NDC1: variants seen among roughly 807,000 people sequenced by gnomAD.
The protein encoded by NDC1 is nucleoporin NDC1.
A neutral mutation model predicts 89.8 loss-of-function variants in NDC1; 24 were observed. The observed-to-expected ratio is 0.27, with a 90% CI of 0.19 to 0.38. The LOEUF (loss-of-function observed/expected upper bound fraction) is 0.38. Among genes scored for constraint, NDC1 ranks in the 10% least tolerant of loss-of-function variants. The pLI, the probability that NDC1 is intolerant of heterozygous loss-of-function variation, is 1.00. For missense variants in NDC1, 728 were observed against 797.6 expected, an observed-to-expected ratio of 0.91 and a Z score of 1.05; for synonymous variants, 296 against 284.8, an observed-to-expected ratio of 1.04 and a Z score of -0.39.
intron 10 of NDC1, among the ~76,000 whole-genome samples, chr1:53,803,560 TTTAAG>T (rs1647993635): frequency 1.3e-5 from 2 of 150,674 alleles, no homozygotes; most frequent in South Asian, 2.1e-4. Context: ...CACCAAAAAC[TTTAAG>T]TTAATTAATT....
chr1:53,825,792 T>A lies in NDC1; in HGVS notation c.594+6A>T, dbSNP rs758502158. The stretch of plus-strand genomic sequence containing the variant: ...TTGACATCAAGTAATGCTCAAATGA[T>A]CTTACCTGTATGATGGGAAATGGAA... On this transcript the variant is annotated splice_donor_region_variant and intron_variant, in intron 5 of 17. Transcript: ENST00000371429. 1.9e-6 allele frequency: 3 copies of A among 1,580,524 alleles called. No homozygotes were observed. The highest frequency in any genetic ancestry group is 2.6e-6 in the Non-Finnish European group (3 of 1,169,464).
intron 2 of NDC1, among the ~76,000 whole-genome samples, chr1:53,835,043 A>G (rs1312477219): frequency 6.6e-6 from 1 of 152,236 alleles, no homozygotes; most frequent in Non-Finnish European, 1.5e-5. Context: ...AGACTGAGCC[A>G]CTGCACTCAG....
chr1:53,784,898 C>T (rs180995574), intron 16 of NDC1, among the ~76,000 whole-genome samples: 8 of 151,708 alleles, frequency 5.3e-5, no homozygotes, highest in Admixed American at 5.3e-4. Context: ...ACGGAGCTTG[C>T]AGTGAGCTGA....
At chr1:53,826,569 T>G (rs1488360166) in intron 4 of NDC1, among the ~76,000 whole-genome samples, 3 of 152,216 alleles carry the variant, frequency 2.0e-5, no homozygotes, top group East Asian at 1.9e-4. Flanking sequence ...ATCCCCCTGC[T>G]GGACACTGCT....
chr1:53,819,453 T>C (rs1648586826), intron 5 of NDC1, among the ~76,000 whole-genome samples: 1 of 152,230 alleles, frequency 6.6e-6, no homozygotes, highest in African/African-American at 2.4e-5. Flanking sequence ...TTTGAATTCA[T>C]TTAAACCTCA....
chr1:53,827,099 C>T (rs952309218), intron 4 of NDC1, among the ~76,000 whole-genome samples: 4 of 151,968 alleles, frequency 2.6e-5, no homozygotes, highest in African/African-American at 9.7e-5. Context: ...ACCAACAGGA[C>T]AGTTTTTACC....
intron 6 of NDC1, among the ~76,000 whole-genome samples, chr1:53,810,848 A>G (rs1395174938): frequency 6.6e-6 from 1 of 152,222 alleles, no homozygotes; most frequent in Non-Finnish European, 1.5e-5. Flanking sequence ...TTAGCTCCAG[A>G]TCGACTGCAA....
intron 9 of NDC1, among the ~76,000 whole-genome samples, chr1:53,806,105 C>T (rs571131629): frequency 9.5e-4 from 145 of 152,208 alleles, no homozygotes; most frequent in African/African-American, 3.4e-3. Context: ...TTTTGTTATG[C>T]TATCATGAAT....
At chr1:53,830,922 CA>C (rs563838744) in intron 3 of NDC1, among the ~76,000 whole-genome samples, 1 of 146,248 alleles carries the variant, frequency 6.8e-6, no homozygotes, top group Non-Finnish European at 1.5e-5. Flanking sequence ...CTGTTTCTCT[CA>C]AAAAAAATAA....
At chr1:53,797,210 C>CA in intron 11 of NDC1, 66 bp from the exon 12 acceptor site, 1 of 1,523,968 alleles carries the variant, frequency 6.6e-7, no homozygotes, top group South Asian at 1.2e-5. Flanking sequence ...GCAACGCTTT[C>CA]AAATTCTACA....
intron 16 of NDC1, among the ~76,000 whole-genome samples, chr1:53,786,364 A>T (rs897648371): frequency 6.6e-6 from 1 of 152,256 alleles, no homozygotes; most frequent in Non-Finnish European, 1.5e-5. Flanking sequence ...AGCAGAAAGC[A>T]TGTGTTTTAT....
chr1:53,797,175 G>A (rs201708261), intron 11 of NDC1, 31 bp from the exon 12 acceptor site: 2 of 1,606,672 alleles, frequency 1.2e-6, no homozygotes, highest in Admixed American at 3.4e-5. Context: ...TGCTGAAGAG[G>A]CAACCTGATC....
Position 53,825,683 on chromosome 1 carries a change from A to G in NDC1, c.594+115T>C, listed in dbSNP as rs1380769447. 3 of 848,306 alleles carry G rather than the reference A, an allele frequency of 3.5e-6. No homozygotes were observed. The Admixed American group carries it at 8.9e-5, about 25-fold the overall frequency. The allele number at this position is 848,306 out of a possible 1,614,324, so 52.5% of individuals were successfully genotyped here. Reference sequence around the variant, plus strand: ...ATGGCATTTTGAGGATTTCAGTTCTAAGTGTTGGTTATCAAATCTTGAATG... The same window carrying G: ...ATGGCATTTTGAGGATTTCAGTTCTGAGTGTTGGTTATCAAATCTTGAATG... On this transcript the variant is annotated intron_variant, in intron 5 of 17. Coordinates refer to ENST00000371429, the MANE Select transcript of NDC1 (RefSeq NM_018087.5).
intron 17 of NDC1, among the ~76,000 whole-genome samples, chr1:53,769,513 A>T (rs1400205827): frequency 1.3e-5 from 2 of 152,230 alleles, no homozygotes; most frequent in Admixed American, 1.3e-4. Context: ...ATATGTTATA[A>T]ACCTCAAATA....
Position 53,806,372 on chromosome 1 carries a change from A to G in NDC1, c.984+53T>C. On this transcript the variant is annotated intron_variant, in intron 9 of 17. Coordinates refer to ENST00000371429, the MANE Select transcript of NDC1 (RefSeq NM_018087.5). Reference sequence around the variant, plus strand: ...CTTAAATATACTAAATATTAAGTGTATTGAATAAAGTTAGAGAAAACTGTG... The same window carrying G: ...CTTAAATATACTAAATATTAAGTGTGTTGAATAAAGTTAGAGAAAACTGTG... 5 of 1,164,574 alleles carry G rather than the reference A, an allele frequency of 4.3e-6. No homozygotes were observed. In the South Asian group the frequency reaches 8.0e-5, roughly 19 times the overall value. The allele number at this position is 1,164,574 out of a possible 1,614,324, so 72.1% of individuals were successfully genotyped here.
At chr1:53,787,963 T>C (rs1002542098) in intron 15 of NDC1, among the ~76,000 whole-genome samples, 9 of 151,518 alleles carry the variant, frequency 5.9e-5, no homozygotes, top group African/African-American at 1.7e-4. Context: ...GACGGCTGTA[T>C]CTATAAGATG....
chr1:53,782,236 G>A (rs1389714953), intron 16 of NDC1, among the ~76,000 whole-genome samples: 1 of 152,192 alleles, frequency 6.6e-6, no homozygotes, highest in Admixed American at 6.6e-5. Context: ...GAGGACTCAT[G>A]GGAATAGCAG....
chr1:53,802,940 C>T (rs1647971275), intron 10 of NDC1, among the ~76,000 whole-genome samples: 1 of 152,118 alleles, frequency 6.6e-6, no homozygotes, highest in African/African-American at 2.4e-5. Context: ...AGCCAAATGA[C>T]AGGACTCTTA....
In NDC1 at chr1:53,767,767, G is replaced by A. The variant is rs753350561; in HGVS notation, c.*203C>T. The A allele has an allele frequency of 3.9e-5, 15 of 389,518 alleles. No homozygotes were observed. The highest frequency in any genetic ancestry group is 6.0e-5 in the Non-Finnish European group (13 of 217,534). 24.1% of individuals were successfully genotyped at this position (389,518 alleles called of 1,614,324 possible). A position where few individuals can be genotyped will look rare whatever the true frequency, so the allele number is the denominator to read the frequency against. ...TATACCACACACACAAAAAGCAATC[G>A]GTACAGAAAAGGCAGTTTTCAGTTA... On this transcript the variant is annotated 3_prime_UTR_variant, in exon 18 of 18. Transcript: ENST00000371429.
Sources: gnomAD v4.1 joint callset for allele counts (sites outside exome capture counted in the v4.1 genomes callset) on GRCh38, gnomAD v4.1.1 for gene constraint, MANE v1.5 for transcripts, NCBI Gene and HGNC (gene_info 2026-07-23, HGNC 2026-07-21) for gene names.